Variants in DNAH9 observed in about 807,000 individuals in gnomAD.
DNAH9 encodes the protein DNAH9 variant protein.
DNAH9 carries 345 observed loss-of-function variants against 471.6 expected under a neutral mutation model. The observed-to-expected ratio is 0.73, with a 90% CI of 0.67 to 0.80. DNAH9 has a LOEUF of 0.80. Ranked by LOEUF, DNAH9 falls within the 30% of genes least tolerant of loss-of-function variation. DNAH9 has a pLI of 0.00. For synonymous variants in DNAH9, 2,093 were observed against 2,123.6 expected (o/e 0.99, Z 0.40); for missense variants, 5,407 against 5,609.2 (o/e 0.96, Z 1.15).
chr17:11,714,700 C>T (rs905267408), intron 26 of DNAH9, among the ~76,000 whole-genome samples: 1 of 152,112 alleles, frequency 6.6e-6, no homozygotes, highest in Non-Finnish European at 1.5e-5. Flanking sequence ...AGAGCTTTCT[C>T]CTGGCTCCCC....
At position 11,962,341 on chromosome 17, in the gene DNAH9, A is replaced by AGATAT. The variant is rs1158626450; in HGVS notation, c.13233+86_13233+90dup. 6.7e-7 allele frequency: 1 copy of AGATAT among 1,483,908 alleles called. No individual in the cohort carries two copies. Among genetic ancestry groups the AGATAT allele is most frequent in the Non-Finnish European group, 8.9e-7 (1 of 1,122,984 alleles). 91.9% of individuals were successfully genotyped at this position (1,483,908 alleles called of 1,614,324 possible). A position where few individuals can be genotyped will look rare whatever the true frequency, so the allele number is the denominator to read the frequency against. On this transcript the variant is annotated intron_variant, in intron 68 of 68. Transcript: ENST00000262442. The surrounding 1 kb of genome is among the most constrained non-coding windows in gnomAD (Gnocchi z 4.1). ...TCCTATGAAGTGTGACTACTAAAAGAGATATTCCTGAATCTTTTTCTCTAG... is the reference window on the plus strand; with the variant it reads ...TCCTATGAAGTGTGACTACTAAAAGAGATATGATATTCCTGAATCTTTTTCTCTAG...
At chr17:11,735,892 C>A (rs897746436) in intron 28 of DNAH9, among the ~76,000 whole-genome samples, 3 of 152,198 alleles carry the variant, frequency 2.0e-5, no homozygotes, top group African/African-American at 7.2e-5. Flanking sequence ...GGTACAAGAG[C>A]CTTTGGGGGA....
chr17:11,752,734 G>A (rs952197248), intron 32 of DNAH9, 99 bp from the exon 33 acceptor site: 5 of 889,594 alleles, frequency 5.6e-6, no homozygotes, highest in South Asian at 2.3e-5. Flanking sequence ...TTCCATGTAC[G>A]CCCCCTTCTG....
chr17:11,845,068 A>C (rs1460074478), intron 49 of DNAH9, among the ~76,000 whole-genome samples: 2 of 150,996 alleles, frequency 1.3e-5, no homozygotes, highest in African/African-American at 4.9e-5. Flanking sequence ...GGTTAGTTAC[A>C]TATGTATACA....
intron 61 of DNAH9, among the ~76,000 whole-genome samples, chr17:11,923,492 T>A (rs1263872744): frequency 6.6e-6 from 1 of 152,120 alleles, no homozygotes; most frequent in East Asian, 1.9e-4. Flanking sequence ...TTTGTATTTT[T>A]AGCAGAGATG....
chr17:11,669,885 A>G (rs1331390641), intron 17 of DNAH9, 91 bp downstream of exon 17: 2 of 1,121,086 alleles, frequency 1.8e-6, no homozygotes, highest in Non-Finnish European at 1.3e-6. Context: ...CCCCATGGGT[A>G]TGTTGGTTAA....
chr17:11,757,287 A>T (rs763554066), intron 34 of DNAH9, among the ~76,000 whole-genome samples: 1 of 151,996 alleles, frequency 6.6e-6, no homozygotes, highest in Non-Finnish European at 1.5e-5. Flanking sequence ...GCACTTTAGG[A>T]GGCTGGGTTG....
Position 11,629,589 on chromosome 17 carries a change from G to C in DNAH9, c.1518+5G>C. The C allele has an allele frequency of 6.2e-7, 1 of 1,611,334 alleles. No homozygotes were observed. Among genetic ancestry groups the C allele is most frequent in the Non-Finnish European group, 8.5e-7 (1 of 1,178,602 alleles). On this transcript the variant is annotated splice_donor_5th_base_variant and intron_variant, in intron 7 of 68. Coordinates refer to ENST00000262442, the MANE Select transcript of DNAH9 (RefSeq NM_001372.4). ...TGCCTGTACCTCCAAAGCACGGTAG[G>C]GTTGGGAAGGGCTGAATCGCCAGCT...
chr17:11,915,536 C>CAG (rs1165884572), intron 61 of DNAH9, among the ~76,000 whole-genome samples: 4 of 145,598 alleles, frequency 2.7e-5, no homozygotes, highest in Non-Finnish European at 6.1e-5. Flanking sequence ...CAAACAAACA[C>CAG]AAACACACAC....
chr17:11,725,500 T>C (rs1219145208), intron 27 of DNAH9, among the ~76,000 whole-genome samples: 10 of 152,216 alleles, frequency 6.6e-5, no homozygotes, highest in Non-Finnish European at 1.3e-4. Flanking sequence ...TTTGTTGATA[T>C]GAAAGTAAAA....
chr17:11,722,126 C>A (rs567604001), intron 27 of DNAH9, among the ~76,000 whole-genome samples: 1 of 152,208 alleles, frequency 6.6e-6, no homozygotes, highest in Non-Finnish European at 1.5e-5. Flanking sequence ...CTGCTGTGCA[C>A]TTCTCCAGGG....
At chr17:11,809,287 T>C (rs4792182) in intron 44 of DNAH9, among the ~76,000 whole-genome samples, 121,828 of 152,054 alleles carry the variant, frequency 0.8, 49,418 homozygotes, top group African/African-American at 0.92. Context: ...CACAAGAGGC[T>C]GGGCACAGTG....
intron 51 of DNAH9, 88 bp downstream of exon 51, chr17:11,869,341 C>A: frequency 6.6e-7 from 1 of 1,514,286 alleles, no homozygotes; most frequent in Non-Finnish European, 8.9e-7. Flanking sequence ...GAGCACAGCA[C>A]AGCAGCGCTT....
At chr17:11,665,672 G>A (rs1483772341) in intron 15 of DNAH9, among the ~76,000 whole-genome samples, 8 of 152,292 alleles carry the variant, frequency 5.3e-5, no homozygotes, top group African/African-American at 1.4e-4. Flanking sequence ...ACTAAAAGTC[G>A]AATTAAACCT....
At chr17:11,935,995 G>T (rs117304777) in intron 65 of DNAH9, among the ~76,000 whole-genome samples, 1 of 152,150 alleles carries the variant, frequency 6.6e-6, no homozygotes, top group Non-Finnish European at 1.5e-5. Context: ...GGGATAATTC[G>T]ACAGGAGGCT....
intron 30 of DNAH9, among the ~76,000 whole-genome samples, chr17:11,744,261 A>G (rs62061841): frequency 0.02 from 3,045 of 152,188 alleles, 56 homozygotes; most frequent in Non-Finnish European, 0.032. Flanking sequence ...GCTCCTTCCC[A>G]CACCATGCTG....
At chr17:11,672,440 C>T (rs945506878) in intron 17 of DNAH9, among the ~76,000 whole-genome samples, 4 of 152,216 alleles carry the variant, frequency 2.6e-5, no homozygotes, top group African/African-American at 9.6e-5. Context: ...TCCCTCTTAC[C>T]AATAGGCCTG....
intron 35 of DNAH9, among the ~76,000 whole-genome samples, chr17:11,762,758 G>GTTTTTTTTGTTGTTT (rs1967733702): frequency 4.2e-5 from 4 of 94,776 alleles, no homozygotes; most frequent in Middle Eastern, 7.0e-3. Flanking sequence ...CTTTAGGTGC[G>GTTTTTTTTGTTGTTT]TTTTTTTTTT....
chr17:11,942,213 T>G (rs1974942851), intron 66 of DNAH9, 90 bp from the exon 67 acceptor site: 1 of 1,505,402 alleles, frequency 6.6e-7, no homozygotes, highest in Admixed American at 2.0e-5. Context: ...CGATGGGTGA[T>G]TGGCATCTCT....
Sources: allele counts gnomAD v4.1 joint callset (sites outside exome capture counted in the v4.1 genomes callset), GRCh38; gene constraint gnomAD v4.1.1; non-coding constraint Gnocchi (gnomAD v3.1); transcripts MANE v1.5; gene names NCBI Gene and HGNC (gene_info 2026-07-23, HGNC 2026-07-21).